EEF2KMT: variants seen among roughly 807,000 people sequenced by gnomAD.
EEF2KMT encodes eukaryotic elongation factor 2 lysine methyltransferase.
In EEF2KMT, 30 loss-of-function variants were observed where a neutral mutation model predicts 35.1. That is an observed-to-expected ratio of 0.85 (90% CI 0.64 to 1.16). EEF2KMT has a LOEUF of 1.16. Among genes scored for constraint, EEF2KMT ranks in the 50% most tolerant of loss-of-function variants. The pLI is 0.00. For missense variants in EEF2KMT, 499 were observed against 438.2 expected (o/e 1.14, Z -1.24); for synonymous variants, 190 against 187.7 (o/e 1.01, Z -0.10).
chr16:5,088,082 C>T (rs566934105), intron 7 of EEF2KMT, among the ~76,000 whole-genome samples: 60 of 152,122 alleles, frequency 3.9e-4, no homozygotes, highest in African/African-American at 1.3e-3. Context: ...GCTGGGACTA[C>T]AGGCGTGTGC....
At chr16:5,085,867 A>T in intron 7 of EEF2KMT, 135 bp from the exon 8 acceptor site, 1 of 725,130 alleles carries the variant, frequency 1.4e-6, no homozygotes, top group Non-Finnish European at 2.5e-6. Flanking sequence ...ACAGGTTCCC[A>T]GGCCCACCCA....
intron 1 of EEF2KMT, chr16:5,097,394 AC>A (rs938982942): frequency 6.8e-7 from 1 of 1,470,922 alleles, no homozygotes; most frequent in Non-Finnish European, 9.0e-7. Context: ...TGTACCCCAC[AC>A]CGAGCGCGCG....
At chr16:5,092,064 T>C (rs1957351219) in intron 3 of EEF2KMT, 169 bp from the exon 4 acceptor site, 1 of 1,268,660 alleles carries the variant, frequency 7.9e-7, no homozygotes, top group Non-Finnish European at 1.1e-6. Flanking sequence ...TGCCGAATAG[T>C]CCCAGCTACT....
chr16:5,084,935 C>T lies in EEF2KMT; in HGVS notation c.*697G>A. 6.3e-7 allele frequency: 1 copy of T among 1,596,360 alleles called. No homozygotes were observed. Among genetic ancestry groups the T allele is most frequent in the African/African-American group, 1.3e-5 (1 of 74,960 alleles). On this transcript the variant is annotated 3_prime_UTR_variant, in exon 8 of 8. Transcript: ENST00000427587. The stretch of plus-strand genomic sequence containing the variant: ...ACCCCTGCTGTCCTTCCCGCAGCTT[C>T]TTCTTGGAGTCTCAGGGCAAACCCT...
rs1957287859 is a variant in EEF2KMT, at chr16:5,089,227, A to G, written c.772T>C (p.Ser258Pro). 5.6e-6 allele frequency: 9 copies of G among 1,607,292 alleles called. No individual in the cohort carries two copies. Among genetic ancestry groups the G allele is most frequent in the Non-Finnish European group, 7.6e-6 (9 of 1,179,818 alleles). ...DVLYCPEAIM[S>P]LVGVLRRLAA... is the part of the protein sequence containing the mutation. Reference sequence around the variant, plus strand: ...AGCCTCCGCAGGACCCCGACCAGCGACATGATGGCTTCTGGGCAATACAGC... The same window carrying G: ...AGCCTCCGCAGGACCCCGACCAGCGGCATGATGGCTTCTGGGCAATACAGC... The change falls in exon 7 of 8, where the codon TCG (serine) becomes CCG (proline). Residue 258 changes from serine (S) to proline (P), a missense_variant. Physicochemically the swap from Ser to Pro is moderately conservative, Grantham distance 74. Coordinates refer to ENST00000427587, the MANE Select transcript of EEF2KMT (RefSeq NM_201400.4).
At chr16:5,087,777 C>G (rs9939666) in intron 7 of EEF2KMT, among the ~76,000 whole-genome samples, 93,209 of 128,212 alleles carry the variant, frequency 0.73, 33,174 homozygotes, top group Middle Eastern at 0.82. Flanking sequence ...CCAGCCTGGG[C>G]AATACAAAGC....
At position 5,095,508 on chromosome 16, in the gene EEF2KMT, C is replaced by A. The variant is rs1957439056; in HGVS notation, c.103G>T (p.Glu35Ter). 6.2e-7 allele frequency: 1 copy of A among 1,611,632 alleles called. No individual in the cohort carries two copies. Among genetic ancestry groups the A allele is most frequent in the Non-Finnish European group, 8.5e-7 (1 of 1,179,612 alleles). ...TLRSFPWQSLEAKLRDSSDSE... is the reference protein window; with the variant it reads ...TLRSFPWQSL ...TCTGATGAGTCTCTTAACTTTGCTTCTAAGCTCTGTGTGGAGGGGAAAGAG... is the reference window on the plus strand; with the variant it reads ...TCTGATGAGTCTCTTAACTTTGCTTATAAGCTCTGTGTGGAGGGGAAAGAG... The change falls in exon 2 of 8, where the codon GAA becomes TAA. Residue 35 changes from glutamate to a stop codon, truncating the protein, a stop_gained. Coordinates refer to ENST00000427587, the MANE Select transcript of EEF2KMT (RefSeq NM_201400.4). LOFTEE classifies it high-confidence loss of function.
At position 5,090,534 on chromosome 16, in the gene EEF2KMT, C is replaced by T. The variant is rs1957321016; in HGVS notation, c.374G>A (p.Ser125Asn). 1 of 1,612,032 alleles carries T rather than the reference C, an allele frequency of 6.2e-7. No individual in the cohort carries two copies. The highest frequency in any genetic ancestry group is 2.2e-5 in the East Asian group (1 of 44,886). The change falls in exon 5 of 8, where the codon AGC becomes AAC. Residue 125 changes from serine (S) to asparagine (N), a missense_variant. Ser to Asn is a conservative substitution (Grantham distance 46). Coordinates refer to ENST00000427587, the MANE Select transcript of EEF2KMT (RefSeq NM_201400.4). This position sits in a 1 kb window ranked among gnomAD's most constrained non-coding sequence, Gnocchi z 4.1. The part of the protein sequence containing the change: ...PSGGSVTLSE[S>N]TAIISYGTTG... Reference sequence around the variant, plus strand: ...GGTACCGTAGGAGATGATGGCCGTGCTCTCGGAGAGTGTGACCGAGCCTCC... The same window carrying T: ...GGTACCGTAGGAGATGATGGCCGTGTTCTCGGAGAGTGTGACCGAGCCTCC...
intron 3 of EEF2KMT, among the ~76,000 whole-genome samples, chr16:5,092,726 G>T (rs545937943): frequency 6.6e-6 from 1 of 152,206 alleles, no homozygotes; most frequent in African/African-American, 2.4e-5. Context: ...ACTTTGGGAG[G>T]CCGAGGCAGG....
intron 1 of EEF2KMT, among the ~76,000 whole-genome samples, chr16:5,097,026 A>C (rs1365581959): frequency 6.6e-6 from 1 of 152,208 alleles, no homozygotes; most frequent in Admixed American, 6.5e-5. Context: ...ACCGCACATG[A>C]ATTACAAATG....
chr16:5,086,758 C>A (rs1372216640), intron 7 of EEF2KMT: 1 of 152,226 alleles, frequency 6.6e-6, no homozygotes. Flanking sequence ...GCAACGCCTC[C>A]CAGGTTCAAG....
intron 3 of EEF2KMT, 153 bp from the exon 4 acceptor site, chr16:5,092,048 G>C: frequency 1.4e-6 from 2 of 1,432,246 alleles, no homozygotes; most frequent in Non-Finnish European, 1.9e-6. Flanking sequence ...TGGGCTTGGT[G>C]GTGTGTGCCG....
intron 7 of EEF2KMT, chr16:5,087,474 A>T (rs1056850125): frequency 6.6e-6 from 1 of 152,186 alleles, no homozygotes; most frequent in African/African-American, 2.4e-5. Flanking sequence ...AGGTACTCAT[A>T]ACCATGTGTG....
chr16:5,086,606 ATTT>A (rs1213082025), intron 7 of EEF2KMT: 2 of 151,502 alleles, frequency 1.3e-5, no homozygotes, highest in African/African-American at 4.9e-5. Flanking sequence ...CATGCCAGTA[ATTT>A]TTTTATTTTG....
intron 1 of EEF2KMT, 84 bp from the exon 2 acceptor site, chr16:5,095,598 G>A: frequency 6.3e-7 from 1 of 1,594,828 alleles, no homozygotes; most frequent in Admixed American, 1.7e-5. Flanking sequence ...GCAAAGCGCT[G>A]TGTGATCCCT....
chr16:5,088,642 C>T (rs1260747319), intron 7 of EEF2KMT, among the ~76,000 whole-genome samples: 1 of 152,150 alleles, frequency 6.6e-6, no homozygotes, highest in Non-Finnish European at 1.5e-5. Context: ...AGGACAGTTG[C>T]TGGCCCACTA....
At chr16:5,088,409 A>G (rs1473724036) in intron 7 of EEF2KMT, among the ~76,000 whole-genome samples, 2 of 152,122 alleles carry the variant, frequency 1.3e-5, no homozygotes, top group Non-Finnish European at 2.9e-5. Flanking sequence ...ATCTGTGCAC[A>G]TGGCTGCCAG....
intron 7 of EEF2KMT, among the ~76,000 whole-genome samples, chr16:5,087,688 C>G (rs1957228080): frequency 6.6e-6 from 1 of 150,926 alleles, no homozygotes; most frequent in African/African-American, 2.4e-5. Context: ...GTCCCAGCTA[C>G]TCAGGAGGCT....
intron 6 of EEF2KMT, chr16:5,089,476 C>T: frequency 1.5e-6 from 1 of 669,668 alleles, no homozygotes; most frequent in African/African-American, 1.8e-5. Context: ...AAAAAAATCT[C>T]CAGACTCACT....
Sources: gnomAD v4.1 joint callset for allele counts (sites outside exome capture counted in the v4.1 genomes callset) on GRCh38, gnomAD v4.1.1 for gene constraint, Gnocchi (gnomAD v3.1) non-coding constraint, MANE v1.5 for transcripts, NCBI Gene and HGNC (gene_info 2026-07-23, HGNC 2026-07-21) for gene names.